The following RAG1 variants were observed in gnomAD, a reference collection of about 807,000 sequenced individuals.
The protein encoded by RAG1 is V(D)J recombination-activating protein 1.
Under a neutral mutation model 62.7 loss-of-function variants are expected in RAG1, and 35 were observed. The ratio of observed to expected loss-of-function variants is 0.56; its 90% CI spans 0.43 to 0.74. The LOEUF (loss-of-function observed/expected upper bound fraction) is 0.74, where lower values mean the gene tolerates loss of function less well. Ranked by LOEUF, RAG1 falls within the 30% of genes least tolerant of loss-of-function variation. RAG1 has a pLI of 0.00. For missense variants in RAG1, 1,169 were observed against 1,278.6 expected (o/e 0.91, Z 1.31); for synonymous variants, 461 against 470.3 (o/e 0.98, Z 0.26).
chr11:36,523,989 C>T (rs1329980413), intron 2 of RAG1, among the ~76,000 whole-genome samples: 1 of 152,110 alleles, frequency 6.6e-6, no homozygotes, highest in African/African-American at 2.4e-5. Flanking sequence ...CACCTTTAAA[C>T]CCCCCAAACT....
downstream of RAG1, among the ~76,000 whole-genome samples, chr11:36,539,484 T>C (rs916504575): frequency 6.6e-6 from 1 of 152,188 alleles, no homozygotes; most frequent in Non-Finnish European, 1.5e-5. Context: ...GTCCAGTTTT[T>C]TTTGTTTTTA....
chr11:36,574,622 C>A lies in RAG1; in HGVS notation c.1318C>A (p.Leu440Met). 1 of 1,614,266 alleles carries A rather than the reference C, an allele frequency of 6.2e-7. No homozygotes were observed. Among genetic ancestry groups the A allele is most frequent in the Non-Finnish European group, 8.5e-7 (1 of 1,180,056 alleles). The part of the protein sequence containing the change: ...VKSVCMTLFL[L>M]ALRARNEHRQ... ...GTCCGTGTGCATGACCTTGTTCCTG[C>A]TGGCTCTGAGGGCGAGGAATGAGCA... The change falls in exon 2 of 2, where the codon CTG becomes ATG. Residue 440 changes from leucine (L) to methionine (M), a missense_variant. Leu to Met is a conservative substitution (Grantham distance 15). Coordinates refer to ENST00000299440, the MANE Select transcript of RAG1 (RefSeq NM_000448.3).
At position 36,574,818 on chromosome 11, in the gene RAG1, C is replaced by G; in HGVS notation, c.1514C>G (p.Ala505Gly). Reference sequence around the variant, plus strand: ...AGACAGATTTTTCAGCCTTTGCATGCCCTTCGGAATGCTGAGAAGGTACTT... The same window carrying G: ...AGACAGATTTTTCAGCCTTTGCATGGCCTTCGGAATGCTGAGAAGGTACTT... ...TGRQIFQPLH[A>G]LRNAEKVLLP... Residue 505 changes from alanine (A) to glycine (G), a missense_variant, in exon 2 of 2, where the codon GCC becomes GGC. This residue lies in a region of RAG1 where 800 missense variants were observed against 943.3 expected (regional missense o/e 0.85). Transcript: ENST00000299440. 6.2e-7 allele frequency: 1 copy of G among 1,614,196 alleles called. No homozygotes were observed. The highest frequency in any genetic ancestry group is 8.5e-7 in the Non-Finnish European group (1 of 1,180,036).
At chr11:36,538,625 G>C (rs532566802), downstream of RAG1, among the ~76,000 whole-genome samples, 1 of 152,286 alleles carries the variant, frequency 6.6e-6, no homozygotes, top group Admixed American at 6.5e-5. Context: ...GTTACGAAAA[G>C]GCACAGTGAA....
At chr11:36,533,219 G>T (rs915412531) in intron 2 of RAG1, among the ~76,000 whole-genome samples, 1 of 152,074 alleles carries the variant, frequency 6.6e-6, no homozygotes, top group African/African-American at 2.4e-5. Flanking sequence ...CCGAGGAGGG[G>T]GTGCTACTTT....
chr11:36,516,482 T>C (rs1334629044), intron 1 of RAG1, among the ~76,000 whole-genome samples: 3 of 152,188 alleles, frequency 2.0e-5, no homozygotes, highest in Non-Finnish European at 4.4e-5. Context: ...CCACCACGCC[T>C]GGAGAATTTT....
Position 36,575,978 on chromosome 11 carries a change from A to G in RAG1, c.2674A>G (p.Met892Val). ...GGAGCTGATGGATCTTTACCTGAAG[A>G]TGAAACCAGTATGGCGATCATCATG... ...LRELMDLYLK[M>V]KPVWRSSCPA... The change falls in exon 2 of 2, where the codon ATG becomes GTG. Residue 892 changes from methionine (M) to valine (V), a missense_variant. Physicochemically the swap from Met to Val is conservative, Grantham distance 21 (BLOSUM62 1). Coordinates refer to ENST00000299440, the MANE Select transcript of RAG1 (RefSeq NM_000448.3). This position sits in a 1 kb window ranked among gnomAD's most constrained non-coding sequence, Gnocchi z 4.1. 2 of 1,614,186 alleles carry G rather than the reference A, an allele frequency of 1.2e-6. No homozygotes were observed. Among genetic ancestry groups the G allele is most frequent in the African/African-American group, 1.3e-5 (1 of 75,062 alleles).
intron 3 of RAG1, among the ~76,000 whole-genome samples, chr11:36,557,988 C>G (rs989471502): frequency 6.6e-6 from 1 of 152,124 alleles, no homozygotes; most frequent in Non-Finnish European, 1.5e-5. Flanking sequence ...CCATGTAACA[C>G]TTAATGTTTA....
intron 1 of RAG1, among the ~76,000 whole-genome samples, chr11:36,518,825 G>A (rs570707412): frequency 5.9e-5 from 9 of 152,252 alleles, no homozygotes; most frequent in Admixed American, 2.0e-4. Context: ...TTCTTTTGCT[G>A]TGCAGAAGCT....
chr11:36,546,701 GC>G (rs1850399065), intron 3 of RAG1, among the ~76,000 whole-genome samples: 2 of 152,236 alleles, frequency 1.3e-5, no homozygotes, highest in Non-Finnish European at 2.9e-5. Context: ...GTATGTTTTT[GC>G]AGTGGCTGGT....
intron 3 of RAG1, among the ~76,000 whole-genome samples, chr11:36,544,864 C>T (rs148676175): frequency 9.9e-5 from 15 of 152,272 alleles, no homozygotes; most frequent in Admixed American, 3.9e-4. Flanking sequence ...GATCCCCCCT[C>T]GTTCTCTCTT....
chr11:36,573,253 A>G, intron 1 of RAG1, 38 bp from the exon 2 acceptor site: 1 of 1,600,642 alleles, frequency 6.2e-7, no homozygotes, highest in Non-Finnish European at 8.6e-7. Context: ...TGGGATATTG[A>G]TATTGGTCTT....
Position 36,574,454 on chromosome 11 carries a change from G to C in RAG1, c.1150G>C (p.Glu384Gln). The change falls in exon 2 of 2, where the codon GAG becomes CAG. Residue 384 changes from glutamate (E) to glutamine (Q), a missense_variant. This residue lies in a region of RAG1 where 800 missense variants were observed against 943.3 expected (regional missense o/e 0.85). Transcript: ENST00000299440. ...HHISSHKESK[E>Q]IFVHINKGGR... is the part of the protein sequence containing the mutation. ...CATCTCAAGTCACAAGGAATCAAAA[G>C]AGATTTTTGTGCACATTAATAAAGG... 6.2e-7 allele frequency: 1 copy of C among 1,614,240 alleles called. No individual in the cohort carries two copies. Among genetic ancestry groups the C allele is most frequent in the Non-Finnish European group, 8.5e-7 (1 of 1,180,056 alleles).
At chr11:36,541,344 A>G (rs1446381844) in intron 3 of RAG1, among the ~76,000 whole-genome samples, 2 of 152,194 alleles carry the variant, frequency 1.3e-5, no homozygotes, top group African/African-American at 4.8e-5. Context: ...GTGCTTCACA[A>G]AGTCTTACTG....
chr11:36,574,582 A>G lies in RAG1; in HGVS notation c.1278A>G (p.Glu426=). The stretch of plus-strand genomic sequence containing the variant: ...TCAAAGCCTTTGCTGACAAAGAAGA[A>G]GGTGGAGATGTGAAGTCCGTGTGCA... The part of the protein sequence containing the change: ...LQVKAFADKE[E]GGDVKSVCMT... The change falls in exon 2 of 2, where the codon GAA becomes GAG. Residue 426 remains glutamate, a synonymous_variant. Coordinates refer to ENST00000299440, the MANE Select transcript of RAG1 (RefSeq NM_000448.3). 3 of 1,614,248 alleles carry G rather than the reference A, an allele frequency of 1.9e-6. No individual in the cohort carries two copies. The highest frequency in any genetic ancestry group is 2.5e-6 in the Non-Finnish European group (3 of 1,180,050).
At chr11:36,541,467 G>A (rs946850754) in intron 3 of RAG1, among the ~76,000 whole-genome samples, 1 of 152,056 alleles carries the variant, frequency 6.6e-6, no homozygotes, top group African/African-American at 2.4e-5. Context: ...CCATCTTTTT[G>A]GTTTTGGGAT....
intron 2 of RAG1, among the ~76,000 whole-genome samples, chr11:36,523,826 G>T (rs781755447): frequency 5.9e-5 from 9 of 151,896 alleles, no homozygotes; most frequent in Non-Finnish European, 1.0e-4. Context: ...TGCTTTACTC[G>T]GTTTCTACCA....
chr11:36,518,524 A>T (rs1860029054), intron 1 of RAG1, among the ~76,000 whole-genome samples: 1 of 152,178 alleles, frequency 6.6e-6, no homozygotes, highest in Admixed American at 6.5e-5. Context: ...CTTTTTAATG[A>T]TCGCCATTCT....
chr11:36,531,742 A>G (rs1451224767), intron 2 of RAG1, among the ~76,000 whole-genome samples: 1 of 149,518 alleles, frequency 6.7e-6, no homozygotes, highest in Non-Finnish European at 1.5e-5. Flanking sequence ...TGATGGTACA[A>G]GATACTTTGC....
Sources: allele counts gnomAD v4.1 joint callset (sites outside exome capture counted in the v4.1 genomes callset), GRCh38; gene constraint gnomAD v4.1.1; regional missense constraint gnomAD v4.1.1; non-coding constraint Gnocchi (gnomAD v3.1); transcripts MANE v1.5; gene names NCBI Gene and HGNC (gene_info 2026-07-23, HGNC 2026-07-21).